Variants in PRKX observed in about 807,000 individuals in gnomAD.
PRKX encodes the protein cAMP-dependent protein kinase catalytic subunit PRKX.
PRKX carries 12 observed loss-of-function variants against 22.0 expected under a neutral mutation model. The observed-to-expected ratio is 0.54, with a 90% CI of 0.35 to 0.88. The LOEUF (loss-of-function observed/expected upper bound fraction) is 0.88, where lower values mean the gene tolerates loss of function less well. Among genes scored for constraint, PRKX ranks in the 40% least tolerant of loss-of-function variants. PRKX has a pLI of 0.01. For synonymous variants in PRKX, 134 were observed against 137.7 expected (o/e 0.97, Z 0.19); for missense variants, 217 against 308.0 (o/e 0.70, Z 2.21).
chrX:3,679,012 C>T (rs1928019134), intron 1 of PRKX, among the ~76,000 whole-genome samples: 1 of 111,688 alleles, frequency 9.0e-6, no homozygotes, highest in African/African-American at 3.3e-5. Context: ...CATCTCTCTC[C>T]AAGCTAAGTA....
chrX:3,614,842 A>C (rs1926383249), intron 7 of PRKX, among the ~76,000 whole-genome samples: 1 of 110,034 alleles, frequency 9.1e-6, no homozygotes, highest in African/African-American at 3.3e-5. Context: ...GTTGATCATT[A>C]CACATTCTAT....
chrX:3,631,406 G>A (rs1303581007), intron 4 of PRKX, among the ~76,000 whole-genome samples: 2 of 112,558 alleles, frequency 1.8e-5, no homozygotes, highest in Non-Finnish European at 3.8e-5. Flanking sequence ...GGGGACAGAG[G>A]CAGAGACAGC....
intron 1 of PRKX, among the ~76,000 whole-genome samples, chrX:3,686,995 G>A (rs2146601845): frequency 9.0e-6 from 1 of 111,663 alleles, no homozygotes; most frequent in East Asian, 2.8e-4. Flanking sequence ...TCTCCACTTG[G>A]ACTTACTTTT....
At chrX:3,656,963 C>T (rs781504449) in intron 2 of PRKX, among the ~76,000 whole-genome samples, 65 of 111,803 alleles carry the variant, frequency 5.8e-4, no homozygotes, top group Non-Finnish European at 1.1e-3. Flanking sequence ...CAAGGGGAAA[C>T]GGGCTCCCTC....
chrX:3,700,647 T>C (rs748577424), intron 1 of PRKX, among the ~76,000 whole-genome samples: 1 of 111,060 alleles, frequency 9.0e-6, no homozygotes, highest in Non-Finnish European at 1.9e-5. Context: ...GGTGCAATCA[T>C]AGCTCACTTC....
In PRKX at chrX:3,604,470, C is replaced by T. The variant is rs1227702797; in HGVS notation, c.*4499G>A. Reference sequence around the variant, plus strand: ...ATTTTCCTAGGGCATATGTACAAATCACAGTGATTTCCATTGTGCAACAAA... The same window carrying T: ...ATTTTCCTAGGGCATATGTACAAATTACAGTGATTTCCATTGTGCAACAAA... On this transcript the variant is annotated 3_prime_UTR_variant, in exon 9 of 9. Transcript: ENST00000262848. 8.9e-6 allele frequency: 1 copy of T among 112,394 alleles called. No homozygotes were observed. The highest frequency in any genetic ancestry group is 1.9e-5 in the Non-Finnish European group (1 of 53,252). The allele number at this position is 112,394 out of a possible 1,213,427, so 9.3% of individuals were successfully genotyped here. A position where few individuals can be genotyped will look rare whatever the true frequency, so the allele number is the denominator to read the frequency against.
At chrX:3,627,373 ACT>A (rs1926681844) in intron 4 of PRKX, among the ~76,000 whole-genome samples, 1 of 102,591 alleles carries the variant, frequency 9.7e-6, no homozygotes, top group South Asian at 4.5e-4. Flanking sequence ...CAAGAGTGAA[ACT>A]CTGTCTCAAA....
intron 4 of PRKX, among the ~76,000 whole-genome samples, chrX:3,635,315 T>C (rs1350319904): frequency 1.8e-5 from 2 of 111,425 alleles, no homozygotes; most frequent in African/African-American, 6.5e-5. Flanking sequence ...AAATTCCACC[T>C]TCTCTAGGAT....
chrX:3,702,746 T>C (rs1189257882), intron 1 of PRKX, among the ~76,000 whole-genome samples: 2 of 98,401 alleles, frequency 2.0e-5, no homozygotes, highest in Admixed American at 1.1e-4. Flanking sequence ...CAAGCTAGAG[T>C]GCAGTAGCAC....
chrX:3,638,985 G>A (rs1926961402), intron 4 of PRKX, among the ~76,000 whole-genome samples: 1 of 98,877 alleles, frequency 1.0e-5, no homozygotes, highest in Non-Finnish European at 2.0e-5. Flanking sequence ...AAGAGATGGA[G>A]AGAGATGGAT....
chrX:3,693,381 A>G (rs955270168), intron 1 of PRKX, among the ~76,000 whole-genome samples: 1 of 111,407 alleles, frequency 9.0e-6, no homozygotes, highest in Non-Finnish European at 1.9e-5. Flanking sequence ...GAATGGGCTC[A>G]ATTAGGCTGC....
chrX:3,667,698 G>A (rs1038098063), intron 2 of PRKX, among the ~76,000 whole-genome samples: 11 of 110,858 alleles, frequency 9.9e-5, no homozygotes, highest in Non-Finnish European at 1.9e-4. Context: ...ATGCACAGCC[G>A]AGCCAGAGCC....
At chrX:3,642,361 G>A (rs1375866831) in intron 3 of PRKX, among the ~76,000 whole-genome samples, 5 of 110,715 alleles carry the variant, frequency 4.5e-5, no homozygotes, top group Non-Finnish European at 9.4e-5. Flanking sequence ...ATGGACGGAG[G>A]TGGAGAGGCC....
At chrX:3,614,386 G>T (rs1425282624) in intron 7 of PRKX, among the ~76,000 whole-genome samples, 2 of 111,930 alleles carry the variant, frequency 1.8e-5, no homozygotes, top group African/African-American at 3.2e-5. Context: ...CTACTCAGGG[G>T]GCTGAGGCAT....
intron 4 of PRKX, among the ~76,000 whole-genome samples, chrX:3,640,836 C>A (rs1271370798): frequency 8.9e-6 from 1 of 111,756 alleles, no homozygotes; most frequent in Non-Finnish European, 1.9e-5. Context: ...GCCACCAAAA[C>A]CAAGATGGCG....
At chrX:3,653,712 TATATA>T (rs957961071) in intron 3 of PRKX, among the ~76,000 whole-genome samples, 82 of 64,624 alleles carry the variant, frequency 1.3e-3, no homozygotes, top group Non-Finnish European at 2.0e-3. Flanking sequence ...ATATATAATA[TATATA>T]ATATACTATG....
At chrX:3,641,732 T>C (rs772305173) in intron 4 of PRKX, 120 bp downstream of exon 4, 57 of 254,293 alleles carry the variant, frequency 2.2e-4, no homozygotes, top group Non-Finnish European at 3.0e-4. Context: ...GCAGCCACAC[T>C]GTGTGTTTGC....
chrX:3,635,326 C>A (rs1416290712), intron 4 of PRKX, among the ~76,000 whole-genome samples: 1 of 111,451 alleles, frequency 9.0e-6, no homozygotes, highest in African/African-American at 3.3e-5. Context: ...TCTCTAGGAT[C>A]TTCTGCACCC....
In PRKX at chrX:3,646,928, C is replaced by T. The variant is rs755887580; in HGVS notation, c.600-4957G>A. Among the ~76,000 whole-genome samples the T allele has an allele frequency of 7.2e-5, 8 of 110,567 alleles. No individual in the cohort carries two copies. In the South Asian group the frequency reaches 2.7e-3, roughly 37 times the overall value. ...ACCAACCTCGGCACAGTAATACCCACGTCCTAGTATGAACTACAGCAAAAT... is the reference window on the plus strand; with the variant it reads ...ACCAACCTCGGCACAGTAATACCCATGTCCTAGTATGAACTACAGCAAAAT... On this transcript the variant is annotated intron_variant, in intron 3 of 8. Transcript: ENST00000262848.
Sources: allele counts gnomAD v4.1 joint callset (sites outside exome capture counted in the v4.1 genomes callset), GRCh38; gene constraint gnomAD v4.1.1; transcripts MANE v1.5; gene names NCBI Gene and HGNC (gene_info 2026-07-23, HGNC 2026-07-21).